ERBB4: variants seen among roughly 807,000 people sequenced by gnomAD.
ERBB4 encodes erb-b2 receptor tyrosine kinase 4.
In ERBB4, 42 loss-of-function variants were observed where a neutral mutation model predicts 158.0. The observed-to-expected ratio is 0.27, with a 90% confidence interval of 0.21 to 0.34. The LOEUF is 0.34. Among genes scored for constraint, ERBB4 ranks in the 10% least tolerant of loss-of-function variants. The probability of loss-of-function intolerance (pLI) is 1.00; values close to 1 mark genes in which losing one functional copy is unlikely to be tolerated. For synonymous variants in ERBB4, 583 were observed against 558.7 expected (o/e 1.04, Z -0.61); for missense variants, 1,333 against 1,624.1 (o/e 0.82, Z 3.08).
intron 2 of ERBB4, among the ~76,000 whole-genome samples, chr2:211,979,811 A>G (rs944694240): frequency 1.3e-5 from 2 of 152,184 alleles, no homozygotes; most frequent in Non-Finnish European, 2.9e-5. Context: ...TCTGATTCTT[A>G]CTATCTGGAT....
chr2:211,448,668 C>G (rs150800048), intron 20 of ERBB4, among the ~76,000 whole-genome samples: 1 of 152,160 alleles, frequency 6.6e-6, no homozygotes, highest in African/African-American at 2.4e-5. Flanking sequence ...CTTAGTACAG[C>G]TACAAATGCA....
intron 19 of ERBB4, among the ~76,000 whole-genome samples, chr2:211,594,378 G>C (rs2068567604): frequency 6.6e-6 from 1 of 151,988 alleles, no homozygotes; most frequent in African/African-American, 2.4e-5. Flanking sequence ...GGCAGAGGTT[G>C]CAGTGAGCTG....
chr2:212,361,994 A>G (rs893347977), intron 1 of ERBB4, among the ~76,000 whole-genome samples: 19 of 151,830 alleles, frequency 1.3e-4, no homozygotes, highest in African/African-American at 3.9e-4. Context: ...ATAATTTTGT[A>G]TATACATAAC....
intron 1 of ERBB4, among the ~76,000 whole-genome samples, chr2:212,474,982 G>A (rs554454864): frequency 1.3e-5 from 2 of 151,786 alleles, no homozygotes; most frequent in Admixed American, 6.6e-5. Context: ...GGCCTTAAAA[G>A]GTCCTCCCGC....
At chr2:212,215,528 T>C (rs1574451803) in intron 1 of ERBB4, among the ~76,000 whole-genome samples, 1 of 151,378 alleles carries the variant, frequency 6.6e-6, no homozygotes, top group Non-Finnish European at 1.5e-5. Context: ...TTATATAGCA[T>C]GAAATAGAAA....
At position 212,099,233 on chromosome 2, in the gene ERBB4, A is replaced by C. The variant is rs188020190; in HGVS notation, c.234+25519T>G. On this transcript the variant is annotated intron_variant, in intron 2 of 27. Coordinates refer to ENST00000342788, the MANE Select transcript of ERBB4 (RefSeq NM_005235.3). Reference sequence around the variant, plus strand: ...GCCACTGCACTGCAGCCTGGGTGAAAAAGCCAGACTGTGTCTCAAATAAAT... The same window carrying C: ...GCCACTGCACTGCAGCCTGGGTGAACAAGCCAGACTGTGTCTCAAATAAAT... 5.6e-4 allele frequency among the ~76,000 whole-genome samples: 85 copies of C among 151,944 alleles called. 1 individual carries two copies. The East Asian group carries it at 0.014, about 26-fold the overall frequency.
chr2:212,466,383 A>T (rs1483324187), intron 1 of ERBB4, among the ~76,000 whole-genome samples: 2 of 152,206 alleles, frequency 1.3e-5, no homozygotes, highest in African/African-American at 2.4e-5. Context: ...CCCCACCCAA[A>T]TATCTTCTTG....
intron 2 of ERBB4, among the ~76,000 whole-genome samples, chr2:212,003,193 GAAAGAAAGAAAGACAGAAA>G (rs1559293472): frequency 2.6e-4 from 17 of 64,506 alleles, no homozygotes; most frequent in East Asian, 1.2e-3. Flanking sequence ...AAGAAAGAAA[GAAAGAAAGAAAGACAGAAA>G]GAAGGAAGGA....
At chr2:212,027,271 T>A (rs2076795560) in intron 2 of ERBB4, among the ~76,000 whole-genome samples, 1 of 152,054 alleles carries the variant, frequency 6.6e-6, no homozygotes, top group Non-Finnish European at 1.5e-5. Context: ...AAATATAATG[T>A]TCGTGAGAAA....
At chr2:211,750,748 T>C in intron 4 of ERBB4, 44 bp from the exon 5 acceptor site, 3 of 1,524,986 alleles carry the variant, frequency 2.0e-6, no homozygotes, top group South Asian at 2.2e-5. Flanking sequence ...CGTTATAATC[T>C]TTCACTCCTT....
At chr2:212,454,707 G>C (rs1167831978) in intron 1 of ERBB4, among the ~76,000 whole-genome samples, 1 of 152,108 alleles carries the variant, frequency 6.6e-6, no homozygotes, top group African/African-American at 2.4e-5. Flanking sequence ...CCAGTGCTAG[G>C]AGTAAGAGCA....
At chr2:212,220,580 A>G (rs1470528173) in intron 1 of ERBB4, among the ~76,000 whole-genome samples, 1 of 151,420 alleles carries the variant, frequency 6.6e-6, no homozygotes, top group Non-Finnish European at 1.5e-5. Context: ...TCTTGTGTGT[A>G]TCCCTAGTTC....
chr2:212,133,431 T>G (rs928835039), intron 1 of ERBB4, among the ~76,000 whole-genome samples: 3 of 150,744 alleles, frequency 2.0e-5, no homozygotes, highest in Non-Finnish European at 3.0e-5. Context: ...TTGTTTTTTT[T>G]TTTGCTATGT....
intron 3 of ERBB4, among the ~76,000 whole-genome samples, chr2:211,938,912 G>A (rs1344217923): frequency 6.6e-6 from 1 of 152,116 alleles, no homozygotes; most frequent in Non-Finnish European, 1.5e-5. Flanking sequence ...ATTAATAAAT[G>A]TTTGTGCATT....
intron 1 of ERBB4, among the ~76,000 whole-genome samples, chr2:212,304,726 G>A (rs2086744985): frequency 6.6e-6 from 1 of 151,368 alleles, no homozygotes; most frequent in South Asian, 2.1e-4. Flanking sequence ...TCCATATTTA[G>A]TCCTCAAGAA....
intron 1 of ERBB4, among the ~76,000 whole-genome samples, chr2:212,449,803 C>CTA (rs2092419037): frequency 6.6e-6 from 1 of 152,064 alleles, no homozygotes; most frequent in South Asian, 2.1e-4. Context: ...ACACCCCCTA[C>CTA]TATCACAAAT....
chr2:211,718,076 T>C (rs1014429050), intron 7 of ERBB4, among the ~76,000 whole-genome samples: 3 of 152,074 alleles, frequency 2.0e-5, no homozygotes, highest in Non-Finnish European at 2.9e-5. Context: ...CACGACCGGA[T>C]AATTTTTGTA....
chr2:212,314,209 T>C (rs1264815435), intron 1 of ERBB4, among the ~76,000 whole-genome samples: 2 of 151,208 alleles, frequency 1.3e-5, no homozygotes, highest in Admixed American at 6.6e-5. Context: ...TTAAAAGCAT[T>C]GAATTGAAAA....
chr2:211,475,884 C>T (rs906267228), intron 20 of ERBB4, among the ~76,000 whole-genome samples: 1 of 151,776 alleles, frequency 6.6e-6, no homozygotes, highest in Admixed American at 6.6e-5. Flanking sequence ...TGTTGAATAC[C>T]GCTTATGTCA....
Sources: gnomAD v4.1 joint callset for allele counts (sites outside exome capture counted in the v4.1 genomes callset) on GRCh38, gnomAD v4.1.1 for gene constraint, MANE v1.5 for transcripts, NCBI Gene and HGNC (gene_info 2026-07-23, HGNC 2026-07-21) for gene names.